Variants in TMEM184B observed in about 807,000 individuals in gnomAD.
TMEM184B encodes putative MAPK-activating protein FM08.
A neutral mutation model predicts 41.8 loss-of-function variants in TMEM184B; 17 were observed. That is an observed-to-expected ratio of 0.41 (90% CI 0.28 to 0.61). TMEM184B has a LOEUF of 0.61. Ranked by LOEUF, TMEM184B falls within the 20% of genes least tolerant of loss-of-function variation. The pLI is 0.34. For synonymous variants in TMEM184B, 240 were observed against 229.5 expected (o/e 1.05, Z -0.41); for missense variants, 393 against 557.8 (o/e 0.70, Z 2.98).
At chr22:38,249,833 C>T (rs1473197111) in intron 1 of TMEM184B, among the ~76,000 whole-genome samples, 1 of 152,244 alleles carries the variant, frequency 6.6e-6, no homozygotes, top group East Asian at 1.9e-4. Flanking sequence ...ACAGGCTGGT[C>T]AGTGCCATCC....
In TMEM184B at chr22:38,224,972, G is replaced by A. The variant is rs1322666569; in HGVS notation, c.795C>T (p.Leu265=). 18 of 1,568,424 alleles carry A rather than the reference G, an allele frequency of 1.1e-5. No individual in the cohort carries two copies. Among genetic ancestry groups the A allele is most frequent in the Non-Finnish European group, 1.6e-5 (18 of 1,156,200 alleles). The part of the protein sequence containing the change: ...VIFLSFWQGM[L]LAILEKCGAI... ...CCCCACACTTCTCCAGGATGGCCAG[G>A]AGCATGCCTGGATGGGGAGGCACGG... Residue 265 remains leucine (L), a synonymous_variant, in exon 8 of 9, where the codon CTC becomes CTT. Transcript: ENST00000361906.
chr22:38,228,383 GA>G (rs1271609705), intron 5 of TMEM184B, among the ~76,000 whole-genome samples: 10 of 151,222 alleles, frequency 6.6e-5, no homozygotes, highest in African/African-American at 2.4e-4. Flanking sequence ...TACAGGTGAG[GA>G]AACTGAGGCA....
chr22:38,241,231 C>T (rs2091899440), intron 3 of TMEM184B, among the ~76,000 whole-genome samples: 2 of 152,160 alleles, frequency 1.3e-5, no homozygotes, highest in Non-Finnish European at 2.9e-5. Flanking sequence ...CCTGGATTGG[C>T]CTGGCTTTAC....
intron 4 of TMEM184B, 31 bp from the exon 5 acceptor site, chr22:38,230,775 A>C (rs1327919454): frequency 6.3e-7 from 1 of 1,599,376 alleles, no homozygotes; most frequent in East Asian, 2.2e-5. Flanking sequence ...AGGCAGTGGC[A>C]GTGAGTGAAG....
At chr22:38,264,795 C>T (rs983373086) in intron 1 of TMEM184B, among the ~76,000 whole-genome samples, 1 of 152,114 alleles carries the variant, frequency 6.6e-6, no homozygotes, top group Non-Finnish European at 1.5e-5. Flanking sequence ...AAGTCTTCTG[C>T]CCCCGGCCGA....
chr22:38,258,866 G>A (rs991559729), intron 1 of TMEM184B, among the ~76,000 whole-genome samples: 4 of 152,188 alleles, frequency 2.6e-5, no homozygotes, highest in African/African-American at 4.8e-5. Flanking sequence ...AGAAGGGGAT[G>A]TGGGCCTGGA....
intron 3 of TMEM184B, among the ~76,000 whole-genome samples, chr22:38,234,220 GC>G (rs1365326349): frequency 6.6e-6 from 1 of 152,138 alleles, no homozygotes; most frequent in African/African-American, 2.4e-5. Flanking sequence ...GTTGGAAGAG[GC>G]CTCTTTCCTC....
intron 5 of TMEM184B, 143 bp from the exon 6 acceptor site, chr22:38,227,013 G>C: frequency 2.6e-6 from 2 of 776,212 alleles, no homozygotes; most frequent in Non-Finnish European, 4.2e-6. Context: ...TGGAGGGACG[G>C]AGGGGATGGA....
At chr22:38,222,353 C>T (rs557026670) in intron 8 of TMEM184B, 1 of 155,840 alleles carries the variant, frequency 6.4e-6, no homozygotes, top group Admixed American at 6.5e-5. Flanking sequence ...CCCAGGATTC[C>T]TGACTCAGCT....
chr22:38,259,051 T>A (rs1019932457), intron 1 of TMEM184B, among the ~76,000 whole-genome samples: 3 of 151,950 alleles, frequency 2.0e-5, no homozygotes, highest in African/African-American at 7.3e-5. Flanking sequence ...CTGCCCCACC[T>A]CCCTCCTCTT....
In TMEM184B at chr22:38,220,080, G is replaced by A. The variant is rs149746330; in HGVS notation, c.*1389C>T. 3.0e-6 allele frequency: 3 copies of A among 985,410 alleles called. No individual in the cohort carries two copies. Among genetic ancestry groups the A allele is most frequent in the Non-Finnish European group, 3.6e-6 (3 of 829,940 alleles). 61.0% of individuals were successfully genotyped at this position (985,410 alleles called of 1,614,324 possible). On this transcript the variant is annotated 3_prime_UTR_variant, in exon 9 of 9. Transcript: ENST00000361906. ...CCAGGTGACTGCAGCCCAAACCCAG[G>A]GATAATCTGGGTTTTAAATGCCAGG...
intron 1 of TMEM184B, among the ~76,000 whole-genome samples, chr22:38,258,324 T>G (rs1435998257): frequency 1.4e-5 from 2 of 147,240 alleles, no homozygotes; most frequent in Non-Finnish European, 3.0e-5. Context: ...TTTTTTAGAC[T>G]AAGTCTCACT....
intron 3 of TMEM184B, among the ~76,000 whole-genome samples, chr22:38,240,490 C>T (rs1179744122): frequency 6.6e-6 from 1 of 151,986 alleles, no homozygotes; most frequent in East Asian, 1.9e-4. Flanking sequence ...AGGCTCAATC[C>T]AGAAGCGCGA....
downstream of TMEM184B, among the ~76,000 whole-genome samples, chr22:38,217,830 CA>C (rs374397588): frequency 1.4e-4 from 12 of 87,828 alleles, no homozygotes; most frequent in South Asian, 4.4e-4. Flanking sequence ...GACTCCATCT[CA>C]AAAAAAAAAA....
intron 1 of TMEM184B, among the ~76,000 whole-genome samples, chr22:38,261,791 G>A (rs1258431755): frequency 1.3e-5 from 2 of 152,166 alleles, no homozygotes; most frequent in African/African-American, 2.4e-5. Flanking sequence ...CACCCCATGG[G>A]AGCAGGCTGT....
intron 1 of TMEM184B, among the ~76,000 whole-genome samples, chr22:38,271,859 G>A (rs1212177274): frequency 6.6e-6 from 1 of 152,186 alleles, no homozygotes; most frequent in Non-Finnish European, 1.5e-5. Context: ...AGCTAAATAG[G>A]TAGATGGAAA....
chr22:38,247,033 G>C lies in TMEM184B; in HGVS notation c.192+737C>G, dbSNP rs527445551. On this transcript the variant is annotated intron_variant, in intron 2 of 8. Transcript: ENST00000361906. ...CAGACTCACCCTGCCCCTCTCCACT[G>C]GACCACCTTCAAACCTCTGCAGCCA... is the stretch of plus-strand genomic sequence containing the variant. The C allele has an allele frequency of 1.8e-5, 7 of 389,302 alleles. No individual in the cohort carries two copies. The East Asian group carries it at 6.4e-4, about 36-fold the overall frequency. The allele number at this position is 389,302 out of a possible 1,614,324, so 24.1% of individuals were successfully genotyped here.
intron 1 of TMEM184B, among the ~76,000 whole-genome samples, chr22:38,251,294 T>C (rs1037495996): frequency 2.6e-5 from 4 of 152,228 alleles, no homozygotes; most frequent in African/African-American, 7.2e-5. Context: ...TCTCATGTAT[T>C]TTCTCAAGGC....
At chr22:38,246,407 T>A (rs912590804) in intron 2 of TMEM184B, among the ~76,000 whole-genome samples, 4 of 152,172 alleles carry the variant, frequency 2.6e-5, no homozygotes, top group East Asian at 1.9e-4. Context: ...AGGATGAGGA[T>A]GGAAATGCAG....
Sources: allele counts gnomAD v4.1 joint callset (sites outside exome capture counted in the v4.1 genomes callset), GRCh38; gene constraint gnomAD v4.1.1; transcripts MANE v1.5; gene names NCBI Gene and HGNC (gene_info 2026-07-23, HGNC 2026-07-21).